Variants in MTM1 observed in about 807,000 individuals in gnomAD.
MTM1 encodes myotubularin 1, also known as myotubularin.
Under a neutral mutation model 52.1 loss-of-function variants are expected in MTM1, and 9 were observed. The observed-to-expected ratio is 0.17, with a 90% CI of 0.10 to 0.30. The LOEUF (loss-of-function observed/expected upper bound fraction) is 0.30. MTM1 is among the 10% of genes least tolerant of loss of function. MTM1 has a pLI of 1.00. For missense variants in MTM1, 277 were observed against 470.7 expected, an observed-to-expected ratio of 0.59 and a Z score of 3.81; for synonymous variants, 136 against 163.8, an observed-to-expected ratio of 0.83 and a Z score of 1.29.
At chrX:150,657,197 A>G (rs1269502635) in intron 10 of MTM1, among the ~76,000 whole-genome samples, 1 of 110,655 alleles carries the variant, frequency 9.0e-6, no homozygotes, top group Non-Finnish European at 1.9e-5. Flanking sequence ...GGCACTATTC[A>G]CAATAGCAAA....
At chrX:150,570,743 G>C (rs1278031710) in intron 1 of MTM1, among the ~76,000 whole-genome samples, 2 of 111,559 alleles carry the variant, frequency 1.8e-5, no homozygotes, top group Non-Finnish European at 1.9e-5. Flanking sequence ...TATCTGAAAT[G>C]ATCATCAGTC....
At chrX:150,629,642 AT>A (rs1386232459) in intron 6 of MTM1, among the ~76,000 whole-genome samples, 1 of 112,899 alleles carries the variant, frequency 8.9e-6, no homozygotes, top group Admixed American at 9.3e-5. Flanking sequence ...CAACCAAGAC[AT>A]CAATGAGAAT....
intron 7 of MTM1, among the ~76,000 whole-genome samples, chrX:150,640,942 G>A (rs1245475739): frequency 2.7e-5 from 3 of 111,349 alleles, no homozygotes; most frequent in Admixed American, 9.5e-5. Flanking sequence ...GTGCATGGGC[G>A]GGGGATGAAC....
intron 9 of MTM1, among the ~76,000 whole-genome samples, chrX:150,648,857 A>G (rs2039975440): frequency 8.9e-6 from 1 of 112,698 alleles, no homozygotes; most frequent in Non-Finnish European, 1.9e-5. Context: ...AGAAATAGTC[A>G]TGGTTTAGTA....
chrX:150,622,313 A>G (rs782337348), intron 6 of MTM1, among the ~76,000 whole-genome samples: 1 of 111,945 alleles, frequency 8.9e-6, no homozygotes, highest in Non-Finnish European at 1.9e-5. Flanking sequence ...CACCAATACA[A>G]TGCAAGATAC....
chrX:150,642,633 A>G lies in MTM1; in HGVS notation c.678+1215A>G, dbSNP rs781978611. ...ACATGCTCTTCTGTACCATAGCCAC[A>G]GACTACACCCCTACCCTGGCTGGCT... On this transcript the variant is annotated intron_variant, in intron 8 of 14. Transcript: ENST00000370396. Among the ~76,000 whole-genome samples the G allele has an allele frequency of 6.3e-5, 7 of 111,819 alleles. No individual in the cohort carries two copies. In the Middle Eastern group the frequency reaches 0.018, roughly 292 times the overall value.
At chrX:150,653,843 T>C (rs782117637) in intron 10 of MTM1, among the ~76,000 whole-genome samples, 1 of 112,427 alleles carries the variant, frequency 8.9e-6, no homozygotes, top group South Asian at 3.7e-4. Context: ...ATCATATTGT[T>C]TTGGCCTTCT....
chrX:150,660,185 A>G (rs1326170439), intron 12 of MTM1, among the ~76,000 whole-genome samples, 186 bp from the exon 13 acceptor site: 1 of 112,037 alleles, frequency 8.9e-6, no homozygotes, highest in Non-Finnish European at 1.9e-5. Context: ...TAACACTTAA[A>G]GTGCTCAGAC....
At chrX:150,643,839 T>G (rs782758294) in intron 8 of MTM1, among the ~76,000 whole-genome samples, 1 of 112,095 alleles carries the variant, frequency 8.9e-6, no homozygotes, top group Non-Finnish European at 1.9e-5. Flanking sequence ...TGAATTTTAA[T>G]AAGAATAATA....
chrX:150,662,050 T>C (rs782493268), intron 13 of MTM1, among the ~76,000 whole-genome samples: 1 of 112,031 alleles, frequency 8.9e-6, no homozygotes, highest in South Asian at 3.7e-4. Flanking sequence ...ATACAGTTTT[T>C]ATTTGTCAGT....
At position 150,591,393 on chromosome X, in the gene MTM1, GAC is replaced by G; in HGVS notation, c.-10-1208_-10-1207del. Among the ~76,000 whole-genome samples the G allele has an allele frequency of 2.7e-5, 3 of 112,528 alleles. No homozygotes were observed. The Admixed American group carries it at 2.8e-4, about 11-fold the overall frequency. ...CCAGGATACAGCCACGAACCAGACAGACACAAGCCTTGGCCTTGTAGTGTTGA... is the reference window on the plus strand; with the variant it reads ...CCAGGATACAGCCACGAACCAGACAGACAAGCCTTGGCCTTGTAGTGTTGA... On this transcript the variant is annotated intron_variant, in intron 1 of 14. Transcript: ENST00000370396.
At chrX:150,578,636 A>C (rs2038515086) in intron 1 of MTM1, among the ~76,000 whole-genome samples, 1 of 111,687 alleles carries the variant, frequency 9.0e-6, no homozygotes, top group African/African-American at 3.3e-5. Flanking sequence ...TTGTGGGAAA[A>C]GGCCCACACA....
At chrX:150,612,292 G>T (rs781859239) in intron 4 of MTM1, among the ~76,000 whole-genome samples, 17 of 111,793 alleles carry the variant, frequency 1.5e-4, no homozygotes, top group Non-Finnish European at 2.6e-4. Context: ...TTGCTGAGTG[G>T]TATTCCATGG....
intron 6 of MTM1, among the ~76,000 whole-genome samples, chrX:150,619,561 A>G (rs183418081): frequency 5.0e-4 from 56 of 112,425 alleles, no homozygotes; most frequent in African/African-American, 1.8e-3. Context: ...ATTAGTTGTA[A>G]TCTATGACTT....
intron 6 of MTM1, among the ~76,000 whole-genome samples, chrX:150,633,205 T>A (rs988503590): frequency 4.4e-4 from 49 of 112,413 alleles, no homozygotes; most frequent in African/African-American, 1.5e-3. Flanking sequence ...TAGGTACGTT[T>A]ATATATGAAG....
At chrX:150,572,615 T>C (rs1339761237) in intron 1 of MTM1, among the ~76,000 whole-genome samples, 1 of 112,770 alleles carries the variant, frequency 8.9e-6, no homozygotes, top group Non-Finnish European at 1.9e-5. Flanking sequence ...AAGCTCAGCC[T>C]CAGGGAATGT....
chrX:150,663,350 A>G, intron 13 of MTM1, 83 bp from the exon 14 acceptor site: 1 of 1,023,741 alleles, frequency 9.8e-7, no homozygotes, highest in South Asian at 1.9e-5. Context: ...GCTGAACTGT[A>G]TTGCTACAGG....
Position 150,592,618 on chromosome X carries a change from G to T in MTM1, c.4G>T (p.Ala2Ser). M[A>S]SASTSKYNSH... Reference sequence around the variant, plus strand: ...GTTTCTTGGTAGAGTTTCCAGGATGGCTTCTGCATCAACTTCTAAATATAA... The same window carrying T: ...GTTTCTTGGTAGAGTTTCCAGGATGTCTTCTGCATCAACTTCTAAATATAA... Residue 2 changes from alanine to serine, a missense_variant, in exon 2 of 15, where the codon GCT (alanine) becomes TCT (serine). Coordinates refer to ENST00000370396, the MANE Select transcript of MTM1 (RefSeq NM_000252.3). 1.8e-5 allele frequency: 22 copies of T among 1,196,868 alleles called. No homozygotes were observed. Among genetic ancestry groups the T allele is most frequent in the Non-Finnish European group, 2.5e-5 (22 of 882,461 alleles).
rs782573371 is a variant in MTM1, at chrX:150,659,808, AT to A, written c.1353+56del. On this transcript the variant is annotated intron_variant, in intron 12 of 14. Transcript: ENST00000370396. Reference sequence around the variant, plus strand: ...ATTCAACTCATTGTTTAAATTAAACATTTTAATATAATGATTGGGATTTGAC... The same window carrying A: ...ATTCAACTCATTGTTTAAATTAAACATTTAATATAATGATTGGGATTTGAC... 6.1e-6 allele frequency: 6 copies of A among 989,771 alleles called. No homozygotes were observed. The East Asian group carries it at 1.9e-4, about 31-fold the overall frequency. The allele number at this position is 989,771 out of a possible 1,213,427, so 81.6% of individuals were successfully genotyped here. A position where few individuals can be genotyped will look rare whatever the true frequency, so the allele number is the denominator to read the frequency against.
Sources: allele counts gnomAD v4.1 joint callset (sites outside exome capture counted in the v4.1 genomes callset), GRCh38; gene constraint gnomAD v4.1.1; transcripts MANE v1.5; gene names NCBI Gene and HGNC (gene_info 2026-07-23, HGNC 2026-07-21).